The following CSMD1 variants were observed in gnomAD, a reference collection of about 807,000 sequenced individuals.
CSMD1 encodes the protein CUB and Sushi multiple domains 1, also known as CUB and sushi domain-containing protein 1.
Under a neutral mutation model 417.5 loss-of-function variants are expected in CSMD1, and 213 were observed. The observed-to-expected ratio is 0.51, with a 90% CI of 0.46 to 0.57. CSMD1 has a LOEUF of 0.57. CSMD1 is among the 20% of genes least tolerant of loss of function. CSMD1 has a pLI of 0.00. For missense variants in CSMD1, 6,923 were observed against 4,529.7 expected (o/e 1.53, Z -15.17); for synonymous variants, 2,862 against 1,736.8 (o/e 1.65, Z -16.11).
At chr8:3,809,729 G>C (rs1800956235) in intron 5 of CSMD1, among the ~76,000 whole-genome samples, 1 of 152,132 alleles carries the variant, frequency 6.6e-6, no homozygotes, top group African/African-American at 2.4e-5. Flanking sequence ...AGGTCTTCAA[G>C]GAAGGTTTTC....
chr8:4,066,440 A>G (rs1394440192), intron 3 of CSMD1, among the ~76,000 whole-genome samples: 1 of 152,190 alleles, frequency 6.6e-6, no homozygotes, highest in Admixed American at 6.5e-5. Context: ...TGCACATGCT[A>G]GCTACCCGAT....
At chr8:3,511,691 G>A (rs1797074187) in intron 10 of CSMD1, among the ~76,000 whole-genome samples, 1 of 149,268 alleles carries the variant, frequency 6.7e-6, no homozygotes, top group Non-Finnish European at 1.5e-5. Flanking sequence ...TGGGGCGGTG[G>A]AGGTTGTGGT....
chr8:4,737,263 C>T lies in CSMD1; in HGVS notation c.86-99705G>A, dbSNP rs537175843. ...GAAAACCAAATAGTGCACGTTCTCACTTATAAGTGGGAGCTAACTGATAAG... is the reference window on the plus strand; with the variant it reads ...GAAAACCAAATAGTGCACGTTCTCATTTATAAGTGGGAGCTAACTGATAAG... On this transcript the variant is annotated intron_variant, in intron 1 of 69. Coordinates refer to ENST00000635120, the MANE Select transcript of CSMD1 (RefSeq NM_033225.6). Among the ~76,000 whole-genome samples, 5 of 152,116 alleles carry T rather than the reference C, an allele frequency of 3.3e-5. No individual in the cohort carries two copies. The East Asian group carries it at 7.7e-4, about 24-fold the overall frequency.
At chr8:3,927,975 T>G (rs999668772) in intron 5 of CSMD1, among the ~76,000 whole-genome samples, 1 of 152,142 alleles carries the variant, frequency 6.6e-6, no homozygotes, top group Non-Finnish European at 1.5e-5. Context: ...TAACATAATT[T>G]TTATATTGAA....
intron 7 of CSMD1, among the ~76,000 whole-genome samples, chr8:3,646,492 T>C (rs1334584267): frequency 2.0e-5 from 3 of 152,154 alleles, no homozygotes; most frequent in Admixed American, 2.0e-4. Flanking sequence ...CCTTCTGAAA[T>C]GTAAATAAAA....
At chr8:3,549,618 CAGG>C (rs1798823751) in intron 10 of CSMD1, among the ~76,000 whole-genome samples, 1 of 152,136 alleles carries the variant, frequency 6.6e-6, no homozygotes, top group Non-Finnish European at 1.5e-5. Context: ...TTTTTAAAAA[CAGG>C]AGGAGAAACC....
chr8:3,552,197 G>C (rs1371940984), intron 10 of CSMD1, among the ~76,000 whole-genome samples: 4 of 152,060 alleles, frequency 2.6e-5, no homozygotes, highest in African/African-American at 7.2e-5. Flanking sequence ...ACTGTCTGTG[G>C]AAAAGACAAC....
At position 3,772,371 on chromosome 8, in the gene CSMD1, ACATATATT is replaced by A. The variant is rs1266853882; in HGVS notation, c.819-18337_819-18330del. On this transcript the variant is annotated intron_variant, in intron 5 of 69. Coordinates refer to ENST00000635120, the MANE Select transcript of CSMD1 (RefSeq NM_033225.6). ...TACATATATTTATATATACATATAT[ACATATATT>A]CATATATTTATATATACACATATAT... Among the ~76,000 whole-genome samples, 55 of 138,812 alleles carry A rather than the reference ACATATATT, an allele frequency of 4.0e-4. 8 individuals are homozygous for A. The highest frequency in any genetic ancestry group is 9.3e-4 in the African/African-American group (33 of 35,640). 91.1% of individuals were successfully genotyped at this position (138,812 alleles called of 152,430 possible). A position where few individuals can be genotyped will look rare whatever the true frequency, so the allele number is the denominator to read the frequency against.
intron 5 of CSMD1, among the ~76,000 whole-genome samples, chr8:3,807,244 T>G (rs1800794883): frequency 6.6e-6 from 1 of 152,216 alleles, no homozygotes; most frequent in African/African-American, 2.4e-5. Flanking sequence ...AATGCCATAG[T>G]AATTTCCATT....
intron 1 of CSMD1, among the ~76,000 whole-genome samples, chr8:4,953,682 T>G (rs757546944): frequency 6.6e-6 from 1 of 152,188 alleles, no homozygotes; most frequent in Non-Finnish European, 1.5e-5. Context: ...AAGAAAAGAA[T>G]TATCAATATG....
At chr8:4,224,484 A>C (rs1490246272) in intron 3 of CSMD1, among the ~76,000 whole-genome samples, 1 of 152,136 alleles carries the variant, frequency 6.6e-6, no homozygotes, top group Non-Finnish European at 1.5e-5. Context: ...TGACCCATCT[A>C]CACTCTCAGT....
intron 1 of CSMD1, among the ~76,000 whole-genome samples, chr8:4,755,764 C>T (rs910353771): frequency 6.6e-6 from 1 of 152,128 alleles, no homozygotes; most frequent in African/African-American, 2.4e-5. Flanking sequence ...TTTTGAATCT[C>T]CCTCCAAAAT....
chr8:4,734,901 G>C (rs990681697), intron 1 of CSMD1, among the ~76,000 whole-genome samples: 3 of 152,204 alleles, frequency 2.0e-5, no homozygotes, highest in African/African-American at 4.8e-5. Flanking sequence ...GCTGGCCACA[G>C]TATTTCCTTC....
chr8:4,062,535 G>A (rs953340699), intron 3 of CSMD1, among the ~76,000 whole-genome samples: 2 of 152,212 alleles, frequency 1.3e-5, no homozygotes, highest in East Asian at 1.9e-4. Flanking sequence ...ATCACCTGTG[G>A]CATTGACATG....
chr8:4,707,027 C>G (rs533224202), intron 1 of CSMD1, among the ~76,000 whole-genome samples: 1 of 152,288 alleles, frequency 6.6e-6, no homozygotes, highest in East Asian at 1.9e-4. Flanking sequence ...ATGTCATTGA[C>G]AGATCTAACT....
chr8:4,103,937 A>G (rs188031404), intron 3 of CSMD1, among the ~76,000 whole-genome samples: 11 of 152,296 alleles, frequency 7.2e-5, no homozygotes, highest in Admixed American at 7.2e-4. Context: ...GTGTTGCAAC[A>G]TTCACTCCTC....
chr8:4,076,818 C>G (rs866733680), intron 3 of CSMD1, among the ~76,000 whole-genome samples: 1 of 152,166 alleles, frequency 6.6e-6, no homozygotes, highest in African/African-American at 2.4e-5. Context: ...CAAGGCCAGC[C>G]ATGCCTTTGC....
chr8:4,991,347 G>A (rs955161923), intron 1 of CSMD1, among the ~76,000 whole-genome samples: 1 of 152,310 alleles, frequency 6.6e-6, no homozygotes, highest in Middle Eastern at 3.4e-3. Context: ...AATCGCCAGT[G>A]AATTTTCGAT....
chr8:4,605,573 C>A (rs1228265994), intron 2 of CSMD1, among the ~76,000 whole-genome samples: 1 of 152,144 alleles, frequency 6.6e-6, no homozygotes, highest in Non-Finnish European at 1.5e-5. Context: ...TCTCTAAAGA[C>A]TTTGGGAGGC....
Sources: allele counts gnomAD v4.1 joint callset (sites outside exome capture counted in the v4.1 genomes callset), GRCh38; gene constraint gnomAD v4.1.1; transcripts MANE v1.5; gene names NCBI Gene and HGNC (gene_info 2026-07-23, HGNC 2026-07-21).